TCF7L2: variants seen among roughly 807,000 people sequenced by gnomAD.
The protein encoded by TCF7L2 is transcription factor 7 like 2, also known as transcription factor 7-like 2.
A neutral mutation model predicts 77.9 loss-of-function variants in TCF7L2; 23 were observed. The ratio of observed to expected loss-of-function variants is 0.30; its 90% CI spans 0.21 to 0.42. The LOEUF (loss-of-function observed/expected upper bound fraction) is 0.42, where lower values mean the gene tolerates loss of function less well. Ranked by LOEUF, TCF7L2 falls within the 10% of genes least tolerant of loss-of-function variation. The pLI is 1.00. For synonymous variants in TCF7L2, 413 were observed against 340.2 expected, an observed-to-expected ratio of 1.21 and a Z score of -2.36; for missense variants, 654 against 793.1, an observed-to-expected ratio of 0.82 and a Z score of 2.11.
intron 8 of TCF7L2, among the ~76,000 whole-genome samples, chr10:113,149,353 T>G (rs901242401): frequency 6.6e-6 from 1 of 152,234 alleles, no homozygotes; most frequent in South Asian, 2.1e-4. Flanking sequence ...CTTGTATTGT[T>G]GTTATTTTTA....
At chr10:113,014,093 C>T (rs140377169) in intron 4 of TCF7L2, among the ~76,000 whole-genome samples, 14 of 152,330 alleles carry the variant, frequency 9.2e-5, no homozygotes, top group Admixed American at 3.9e-4. Flanking sequence ...CAGGGGTAGA[C>T]GCACCAAGGG....
chr10:113,161,480 C>T, intron 13 of TCF7L2: 6 of 1,340,596 alleles, frequency 4.5e-6, no homozygotes, highest in Middle Eastern at 1.8e-4. Context: ...TAGGTACTTC[C>T]TTCTTGGTGG....
chr10:113,165,470 C>T (rs996676014), intron 13 of TCF7L2, 85 bp from the exon 15 acceptor site: 3 of 1,468,258 alleles, frequency 2.0e-6, no homozygotes, highest in African/African-American at 2.8e-5. Context: ...CTTAGGTGAC[C>T]TCAGCTTGGG....
At chr10:113,021,180 T>C (rs2048214236) in intron 4 of TCF7L2, among the ~76,000 whole-genome samples, 2 of 152,160 alleles carry the variant, frequency 1.3e-5, no homozygotes, top group Admixed American at 1.3e-4. Context: ...GCTTCCAAAT[T>C]CTGTGACCTT....
intron 4 of TCF7L2, among the ~76,000 whole-genome samples, chr10:112,979,688 G>A (rs1430208078): frequency 6.6e-6 from 1 of 151,844 alleles, no homozygotes; most frequent in Non-Finnish European, 1.5e-5. Context: ...ACTGGGAGGC[G>A]GAGGTTGCAG....
chr10:113,151,533 CCT>C lies in TCF7L2; in HGVS notation c.1002-187_1002-186del, dbSNP rs1316903295. Among the ~76,000 whole-genome samples, 1 of 152,028 alleles carries C rather than the reference CCT, an allele frequency of 6.6e-6. No homozygotes were observed. Among genetic ancestry groups the C allele is most frequent in the East Asian group, 1.9e-4 (1 of 5,190 alleles). ...AACTTGAGGAAGTGATTGCAAAATC[CCT>C]CTCTTCCCCCAACCCCTCCCCAAGC... On this transcript the variant is annotated intron_variant, in intron 9 of 13. Coordinates refer to ENST00000627217, the MANE Select transcript of TCF7L2 (RefSeq NM_001146274.2). This position sits in a 1 kb window ranked among gnomAD's most constrained non-coding sequence, Gnocchi z 5.2.
At chr10:113,008,859 A>T (rs1471411324) in intron 4 of TCF7L2, among the ~76,000 whole-genome samples, 1 of 152,034 alleles carries the variant, frequency 6.6e-6, no homozygotes, top group African/African-American at 2.4e-5. Context: ...AAGCTCAGGG[A>T]TTAGTTGCTC....
At chr10:113,140,627 C>T (rs909754401) in intron 5 of TCF7L2, among the ~76,000 whole-genome samples, 3 of 152,116 alleles carry the variant, frequency 2.0e-5, no homozygotes, top group Admixed American at 6.5e-5. Flanking sequence ...GGTTTTGCAT[C>T]CATGCTGTCT....
intron 4 of TCF7L2, among the ~76,000 whole-genome samples, chr10:112,967,188 T>TTAAG (rs756662026): frequency 6.6e-5 from 10 of 152,358 alleles, no homozygotes; most frequent in Non-Finnish European, 1.5e-4. Context: ...TTTCGCTCCA[T>TTAAG]TCTCCAACTT....
At chr10:113,025,146 C>T (rs1235179155) in intron 4 of TCF7L2, among the ~76,000 whole-genome samples, 1 of 151,906 alleles carries the variant, frequency 6.6e-6, no homozygotes, top group Non-Finnish European at 1.5e-5. Flanking sequence ...CAACCATGAC[C>T]TCCTGGGCTC....
rs2070675291 is a variant in TCF7L2, at chr10:113,151,189, T to C, written c.1001+66T>C. ...TGTTCTGCAAGCCTGTTGCAGCTGC[T>C]GGGTGGTGGCTTTCTGCCTAAGGTT... is the stretch of plus-strand genomic sequence containing the variant. On this transcript the variant is annotated intron_variant, in intron 9 of 13. Transcript: ENST00000627217. The surrounding 1 kb of genome is among the most constrained non-coding windows in gnomAD (Gnocchi z 5.2). 4 of 1,606,260 alleles carry C rather than the reference T, an allele frequency of 2.5e-6. No homozygotes were observed. The highest frequency in any genetic ancestry group is 2.6e-6 in the Non-Finnish European group (3 of 1,174,686).
chr10:113,131,018 G>A (rs374063013), intron 5 of TCF7L2, among the ~76,000 whole-genome samples: 2 of 152,046 alleles, frequency 1.3e-5, no homozygotes, highest in African/African-American at 4.8e-5. Flanking sequence ...CGCCCGTCTC[G>A]GTCTCCCAAA....
intron 5 of TCF7L2, among the ~76,000 whole-genome samples, chr10:113,052,757 A>G (rs2054683192): frequency 1.3e-5 from 2 of 152,198 alleles, no homozygotes; most frequent in African/African-American, 4.8e-5. Context: ...CTACCTGTGA[A>G]TGATTGCAGC....
intron 4 of TCF7L2, among the ~76,000 whole-genome samples, chr10:113,012,945 A>T: frequency 6.6e-6 from 1 of 152,066 alleles, no homozygotes; most frequent in South Asian, 2.1e-4. Flanking sequence ...GTGTTGCTGA[A>T]ACTTAACGAA....
intron 5 of TCF7L2, among the ~76,000 whole-genome samples, chr10:113,123,038 A>T (rs1316059425): frequency 6.6e-6 from 1 of 152,242 alleles, no homozygotes; most frequent in Non-Finnish European, 1.5e-5. Context: ...ACTGGGCTTT[A>T]AACCCTCAGT....
intron 4 of TCF7L2, among the ~76,000 whole-genome samples, chr10:112,985,860 TTGTGTGTGTG>T (rs61481377): frequency 2.0e-5 from 3 of 146,706 alleles, no homozygotes; most frequent in Admixed American, 6.8e-5. Flanking sequence ...AGCCTGTAGT[TTGTGTGTGTG>T]TGTGTGTGTG....
intron 11 of TCF7L2, among the ~76,000 whole-genome samples, chr10:113,156,546 T>C (rs1371909408): frequency 6.6e-6 from 1 of 152,224 alleles, no homozygotes; most frequent in Non-Finnish European, 1.5e-5. Context: ...TTCATTTCAA[T>C]GTATGCCAGG....
chr10:112,981,545 G>T (rs1228788958), intron 4 of TCF7L2, among the ~76,000 whole-genome samples: 4 of 152,066 alleles, frequency 2.6e-5, no homozygotes, highest in Non-Finnish European at 5.9e-5. Context: ...TGAGAGTTTG[G>T]TGTTTCCTAC....
At chr10:112,961,256 C>CGCCCA (rs200614227) in intron 3 of TCF7L2, among the ~76,000 whole-genome samples, 1 of 61,470 alleles carries the variant, frequency 1.6e-5, no homozygotes, top group African/African-American at 5.3e-5. Flanking sequence ...CTCAGGTGAC[C>CGCCCA]CCCCCCCCCC....
Sources: gnomAD v4.1 joint callset for allele counts (sites outside exome capture counted in the v4.1 genomes callset) on GRCh38, gnomAD v4.1.1 for gene constraint, Gnocchi (gnomAD v3.1) non-coding constraint, MANE v1.5 for transcripts, NCBI Gene and HGNC (gene_info 2026-07-23, HGNC 2026-07-21) for gene names.